The following SND1 variants were observed in gnomAD, a reference collection of about 807,000 sequenced individuals.
SND1 encodes staphylococcal nuclease and tudor domain containing 1.
A neutral mutation model predicts 121.7 loss-of-function variants in SND1; 38 were observed. The ratio of observed to expected loss-of-function variants is 0.31; its 90% CI spans 0.24 to 0.41. SND1 has a LOEUF of 0.41. SND1 is among the 10% of genes least tolerant of loss of function. The pLI is 1.00. For missense variants in SND1, 868 were observed against 1,184.6 expected (o/e 0.73, Z 3.92); for synonymous variants, 401 against 447.4 (o/e 0.90, Z 1.31).
chr7:127,660,504 C>T (rs1204575867), intron 1 of SND1, among the ~76,000 whole-genome samples: 4 of 152,094 alleles, frequency 2.6e-5, no homozygotes, highest in Admixed American at 2.0e-4. Flanking sequence ...CTATTTAATG[C>T]ACAAGTACAA....
chr7:127,722,611 G>T (rs562213278), intron 10 of SND1, among the ~76,000 whole-genome samples: 2 of 152,218 alleles, frequency 1.3e-5, no homozygotes, highest in Admixed American at 1.3e-4. Context: ...TGTGAAATTT[G>T]CTATTCTGAT....
At chr7:127,887,257 A>G (rs1457145941) in intron 12 of SND1, among the ~76,000 whole-genome samples, 1 of 152,076 alleles carries the variant, frequency 6.6e-6, no homozygotes, top group African/African-American at 2.4e-5. Context: ...CGGGCCTCCC[A>G]AAGTGTTGGG....
At chr7:127,729,054 G>A (rs527487497) in intron 10 of SND1, among the ~76,000 whole-genome samples, 39 of 152,194 alleles carry the variant, frequency 2.6e-4, no homozygotes, top group Non-Finnish European at 5.1e-4. Flanking sequence ...CTCTCTCTGT[G>A]TGGTGGTTTT....
intron 11 of SND1, among the ~76,000 whole-genome samples, chr7:127,810,206 T>C (rs1798310023): frequency 6.6e-6 from 1 of 152,220 alleles, no homozygotes; most frequent in Non-Finnish European, 1.5e-5. Flanking sequence ...CTGCTGACTT[T>C]ATTGCCTTTT....
chr7:128,028,666 T>G (rs762325942), intron 16 of SND1: 91 of 1,596,376 alleles, frequency 5.7e-5, no homozygotes, highest in Non-Finnish European at 2.1e-5. Context: ...ATAAGTTTTT[T>G]GGGGGAGGGG....
chr7:127,772,403 T>C (rs1797529857), intron 10 of SND1, among the ~76,000 whole-genome samples: 1 of 152,200 alleles, frequency 6.6e-6, no homozygotes, highest in Non-Finnish European at 1.5e-5. Flanking sequence ...CCTAGAGAGA[T>C]GCTTCTTTGC....
At chr7:127,659,162 A>G (rs138675902) in intron 1 of SND1, among the ~76,000 whole-genome samples, 7 of 152,318 alleles carry the variant, frequency 4.6e-5, no homozygotes, top group African/African-American at 1.2e-4. Flanking sequence ...TTCTGTTGCT[A>G]CTTCCTCTCT....
rs575222061 is a variant in SND1 at position 127,905,141 on chromosome 7, C to G, written c.1527+322C>G. Among the ~76,000 whole-genome samples the G allele has an allele frequency of 7.2e-5, 11 of 152,156 alleles. 1 individual carries two copies. Among genetic ancestry groups the G allele is most frequent in the South Asian group, 6.2e-4 (3 of 4,816 alleles). On this transcript the variant is annotated intron_variant, in intron 14 of 23. Transcript: ENST00000354725. ...AATAAAATTGCCTCTTTTTAAAACC[C>G]CTGTCCAGTTCTTGCTGTGAGTGGG...
chr7:127,713,564 C>CAACAAA (rs1796332818), intron 9 of SND1, among the ~76,000 whole-genome samples: 1 of 152,046 alleles, frequency 6.6e-6, no homozygotes, highest in Non-Finnish European at 1.5e-5. Flanking sequence ...CAACAATCAC[C>CAACAAA]CTGTTTTTTA....
chr7:127,733,757 G>A (rs570513149), intron 10 of SND1, among the ~76,000 whole-genome samples: 2 of 152,218 alleles, frequency 1.3e-5, no homozygotes, highest in East Asian at 1.9e-4. Context: ...CAGCAGAGTC[G>A]CATTGTGTAT....
chr7:128,071,698 GAGA>G (rs1793414363), intron 16 of SND1, among the ~76,000 whole-genome samples: 1 of 152,334 alleles, frequency 6.6e-6, no homozygotes, highest in South Asian at 2.1e-4. Context: ...GAGGTTTGTG[GAGA>G]AGGAGAGACA....
chr7:128,006,120 G>A (rs974891024), intron 16 of SND1, among the ~76,000 whole-genome samples: 9 of 152,208 alleles, frequency 5.9e-5, no homozygotes, highest in Non-Finnish European at 1.2e-4. Context: ...GGCTGTGGGT[G>A]AAGGAAGTGT....
At chr7:127,994,620 G>A (rs144345548) in intron 16 of SND1, among the ~76,000 whole-genome samples, 1,635 of 139,004 alleles carry the variant, frequency 0.012, 22 homozygotes, top group Middle Eastern at 0.022. Context: ...GCCTGACTCC[G>A]CTGGTATTTA....
At chr7:127,766,932 G>A (rs943494242) in intron 10 of SND1, among the ~76,000 whole-genome samples, 3 of 151,842 alleles carry the variant, frequency 2.0e-5, no homozygotes, top group Non-Finnish European at 4.4e-5. Flanking sequence ...TCTGGTGCCT[G>A]CGTTTTGTGG....
At chr7:128,067,827 C>G (rs909585324) in intron 16 of SND1, among the ~76,000 whole-genome samples, 4 of 152,138 alleles carry the variant, frequency 2.6e-5, no homozygotes, top group African/African-American at 9.7e-5. Context: ...TGTCCTCCCC[C>G]CATTGCTAGT....
chr7:127,739,367 G>A (rs1313229931), intron 10 of SND1, among the ~76,000 whole-genome samples: 1 of 152,110 alleles, frequency 6.6e-6, no homozygotes, highest in Non-Finnish European at 1.5e-5. Flanking sequence ...AAATATTTAT[G>A]TGAACCCAGA....
chr7:127,928,931 C>G (rs575738421), intron 14 of SND1, among the ~76,000 whole-genome samples: 1 of 152,316 alleles, frequency 6.6e-6, no homozygotes, highest in South Asian at 2.1e-4. Flanking sequence ...CTTCTTGCCC[C>G]AGAGAACTCT....
chr7:127,760,940 A>G (rs555767061), intron 10 of SND1, among the ~76,000 whole-genome samples: 2 of 152,362 alleles, frequency 1.3e-5, no homozygotes, highest in African/African-American at 4.8e-5. Flanking sequence ...ACGAAATTCT[A>G]GATCCTCAGA....
intron 16 of SND1, among the ~76,000 whole-genome samples, chr7:128,039,881 G>A (rs149724334): frequency 1.3e-5 from 2 of 152,140 alleles, no homozygotes; most frequent in Non-Finnish European, 2.9e-5. Flanking sequence ...AGTAAAGGGC[G>A]CCCCATTACC....
Sources: allele counts gnomAD v4.1 joint callset (sites outside exome capture counted in the v4.1 genomes callset), GRCh38; gene constraint gnomAD v4.1.1; transcripts MANE v1.5; gene names NCBI Gene and HGNC (gene_info 2026-07-23, HGNC 2026-07-21).